The following MTX2 variants were observed in gnomAD, a reference collection of about 807,000 sequenced individuals.
MTX2 encodes the protein metaxin-2.
Under a neutral mutation model 42.3 loss-of-function variants are expected in MTX2, and 35 were observed. That is an observed-to-expected ratio of 0.83 (90% confidence interval 0.63 to 1.10). The LOEUF is 1.10. MTX2 is among the 50% of genes least tolerant of loss of function. MTX2 has a pLI of 0.00. For synonymous variants in MTX2, 119 were observed against 100.9 expected, an observed-to-expected ratio of 1.18 and a Z score of -1.08; for missense variants, 307 against 304.1, an observed-to-expected ratio of 1.01 and a Z score of -0.07.
chr2:176,324,296 T>G lies in MTX2; in HGVS notation c.208+832T>G, dbSNP rs146123073. On this transcript the variant is annotated intron_variant, in intron 4 of 9. Transcript: ENST00000249442. ...TTGTGTTAAATTTTTTTTTTCCACC[T>G]TAAGTTTTTAAGGGTGGTAGAAATT... Among the ~76,000 whole-genome samples, 1,504 of 151,654 alleles carry G rather than the reference T, an allele frequency of 9.9e-3. 5 individuals are homozygous for G. Among genetic ancestry groups the G allele is most frequent in the Non-Finnish European group, 0.016 (1,100 of 67,602 alleles).
chr2:176,299,273 A>G (rs747951020), intron 3 of MTX2, among the ~76,000 whole-genome samples: 1 of 152,220 alleles, frequency 6.6e-6, no homozygotes, highest in African/African-American at 2.4e-5. Flanking sequence ...CCAGCCCCAA[A>G]TGTAAATAGA....
chr2:176,271,597 A>G (rs896779788), intron 1 of MTX2, among the ~76,000 whole-genome samples: 1 of 152,186 alleles, frequency 6.6e-6, no homozygotes, highest in Non-Finnish European at 1.5e-5. Flanking sequence ...CCCTGCCATC[A>G]GATGGACAAA....
rs1684479162 is a variant in MTX2, at chr2:176,317,633, A to G, written c.136-5759A>G. 3.9e-5 allele frequency among the ~76,000 whole-genome samples: 6 copies of G among 152,106 alleles called. No individual in the cohort carries two copies. The South Asian group carries it at 1.0e-3, about 26-fold the overall frequency. The stretch of plus-strand genomic sequence containing the variant: ...CACCCCACCCCCAATAAAACCATCA[A>G]TATGTAGATTTTTTTTCTCCAGAGA... On this transcript the variant is annotated intron_variant, in intron 3 of 9. Transcript: ENST00000249442.
At chr2:176,311,089 A>G (rs1684292649) in intron 3 of MTX2, among the ~76,000 whole-genome samples, 2 of 152,072 alleles carry the variant, frequency 1.3e-5, no homozygotes, top group African/African-American at 2.4e-5. Flanking sequence ...TTTGGTGTAG[A>G]TGACCTTTTT....
intron 1 of MTX2, among the ~76,000 whole-genome samples, chr2:176,278,672 T>C (rs1386845156): frequency 6.6e-6 from 1 of 152,190 alleles, no homozygotes; most frequent in East Asian, 1.9e-4. Context: ...TTAATATTTT[T>C]CAAACATTTT....
intron 1 of MTX2, among the ~76,000 whole-genome samples, chr2:176,283,818 T>C (rs1347540049): frequency 6.6e-6 from 1 of 152,232 alleles, no homozygotes; most frequent in Non-Finnish European, 1.5e-5. Flanking sequence ...TGTTGAGGTC[T>C]CACAGTTGTG....
chr2:176,294,171 T>G (rs556489510), intron 1 of MTX2, among the ~76,000 whole-genome samples: 3 of 152,290 alleles, frequency 2.0e-5, no homozygotes, highest in South Asian at 2.1e-4. Flanking sequence ...GTAGGAAGCT[T>G]CTTTAGTCTT....
chr2:176,282,139 T>TTTTTG (rs1558925044), intron 1 of MTX2, among the ~76,000 whole-genome samples: 1 of 141,924 alleles, frequency 7.0e-6, no homozygotes, highest in African/African-American at 2.6e-5. Context: ...TTTTTTTTTT[T>TTTTTG]TTTTTTTTTT....
At chr2:176,270,256 C>A in intron 1 of MTX2, 2 of 909,040 alleles carry the variant, frequency 2.2e-6, no homozygotes, top group Non-Finnish European at 2.9e-6. Flanking sequence ...CTGCAACCTC[C>A]GCTTCCCGGG....
chr2:176,274,031 G>C (rs936069218), intron 1 of MTX2, among the ~76,000 whole-genome samples: 7 of 151,780 alleles, frequency 4.6e-5, no homozygotes, highest in African/African-American at 1.7e-4. Flanking sequence ...CACTTTGCTT[G>C]AATAACTCCT....
chr2:176,310,000 C>T (rs550529202), intron 3 of MTX2, among the ~76,000 whole-genome samples: 4 of 152,160 alleles, frequency 2.6e-5, no homozygotes, highest in Admixed American at 1.3e-4. Flanking sequence ...TTCGTAACAT[C>T]GATGGTCTTT....
intron 4 of MTX2, among the ~76,000 whole-genome samples, chr2:176,324,582 A>G (rs555469936): frequency 1.3e-5 from 2 of 151,812 alleles, no homozygotes; most frequent in African/African-American, 2.4e-5. Context: ...CTATGTAGTC[A>G]TACAAACAGT....
chr2:176,317,038 T>TAAA (rs1225860273), intron 3 of MTX2, among the ~76,000 whole-genome samples: 2,543 of 144,172 alleles, frequency 0.018, 72 homozygotes, highest in African/African-American at 0.061. Flanking sequence ...GTGTCTTTTT[T>TAAA]AAAAAAAAAA....
intron 1 of MTX2, among the ~76,000 whole-genome samples, chr2:176,290,630 GA>G (rs1390102346): frequency 6.6e-6 from 1 of 152,022 alleles, no homozygotes; most frequent in Non-Finnish European, 1.5e-5. Context: ...ATGATTCATA[GA>G]TTTACATATG....
At chr2:176,326,958 A>C in intron 5 of MTX2, 57 bp downstream of exon 5, 1 of 1,042,418 alleles carries the variant, frequency 9.6e-7, no homozygotes, top group Admixed American at 2.5e-5. Context: ...ATCATTCTTT[A>C]ATGTGTCTTA....
intron 1 of MTX2, among the ~76,000 whole-genome samples, chr2:176,274,202 A>C (rs1014557834): frequency 6.6e-6 from 1 of 152,210 alleles, no homozygotes; most frequent in Non-Finnish European, 1.5e-5. Flanking sequence ...TCCAGAGATA[A>C]AGTAAAAATT....
rs750898979 is a variant in MTX2, at chr2:176,323,476, T to G, written c.208+12T>G. 67 of 1,603,628 alleles carry G rather than the reference T, an allele frequency of 4.2e-5. No individual in the cohort carries two copies. Among genetic ancestry groups the G allele is most frequent in the Non-Finnish European group, 5.5e-5 (64 of 1,172,168 alleles). ...TATGTCTCCATCTGGTAAGTGTGTT[T>G]TTTTTTCTTCTCTGTTAATATTATG... On this transcript the variant is annotated intron_variant, in intron 4 of 9. Transcript: ENST00000249442.
intron 1 of MTX2, among the ~76,000 whole-genome samples, chr2:176,274,678 C>T (rs185442451): frequency 2.1e-4 from 32 of 152,296 alleles, no homozygotes; most frequent in Admixed American, 5.2e-4. Flanking sequence ...AGATCCAGGA[C>T]TAAGCACTGG....
At chr2:176,285,301 A>G (rs1164403220) in intron 1 of MTX2, among the ~76,000 whole-genome samples, 1 of 152,188 alleles carries the variant, frequency 6.6e-6, no homozygotes, top group Non-Finnish European at 1.5e-5. Flanking sequence ...AGTAAGTGCA[A>G]TAAGTCTTTT....
Sources: gnomAD v4.1 joint callset for allele counts (sites outside exome capture counted in the v4.1 genomes callset) on GRCh38, gnomAD v4.1.1 for gene constraint, MANE v1.5 for transcripts, NCBI Gene and HGNC (gene_info 2026-07-23, HGNC 2026-07-21) for gene names.